The following GABRG3 variants were observed in gnomAD, a reference collection of about 807,000 sequenced individuals.
The protein encoded by GABRG3 is gamma-aminobutyric acid receptor subunit gamma-3.
A neutral mutation model predicts 48.8 loss-of-function variants in GABRG3; 25 were observed. The observed-to-expected ratio is 0.51, with a 90% CI of 0.37 to 0.72. The LOEUF is 0.72. GABRG3 is among the 30% of genes least tolerant of loss of function. The pLI, the probability that GABRG3 is intolerant of heterozygous loss-of-function variation, is 0.00. For synonymous variants in GABRG3, 227 were observed against 217.6 expected, an observed-to-expected ratio of 1.04 and a Z score of -0.38; for missense variants, 394 against 577.9, an observed-to-expected ratio of 0.68 and a Z score of 3.26.
intron 5 of GABRG3, among the ~76,000 whole-genome samples, chr15:27,456,423 C>T (rs1176550016): frequency 5.9e-5 from 9 of 152,180 alleles, no homozygotes; most frequent in Non-Finnish European, 2.9e-5. Context: ...AGTCCCCTGG[C>T]ATCCTTAGTG....
At position 27,257,679 on chromosome 15, in the gene GABRG3, T is replaced by A. The variant is rs544978603; in HGVS notation, c.271-69130T>A. Among the ~76,000 whole-genome samples the A allele has an allele frequency of 1.1e-4, 17 of 152,306 alleles. No individual in the cohort carries two copies. In the South Asian group the frequency reaches 3.5e-3, roughly 32 times the overall value. ...GAAAACTGAGAGGATTTTGTAATTT[T>A]AAAAAATTTTAGACACATGGTTTTG... On this transcript the variant is annotated intron_variant, in intron 3 of 9. Coordinates refer to ENST00000615808, the MANE Select transcript of GABRG3 (RefSeq NM_033223.5).
At chr15:27,085,205 G>A (rs1317496634) in intron 3 of GABRG3, among the ~76,000 whole-genome samples, 3 of 152,160 alleles carry the variant, frequency 2.0e-5, no homozygotes, top group African/African-American at 7.2e-5. Flanking sequence ...AGGGGAGTCT[G>A]ACCTCATGGG....
At chr15:27,152,413 A>G (rs920675778) in intron 3 of GABRG3, among the ~76,000 whole-genome samples, 14 of 152,210 alleles carry the variant, frequency 9.2e-5, no homozygotes, top group African/African-American at 3.1e-4. Flanking sequence ...AGGTAAATTC[A>G]TTCTTCCAAC....
At chr15:27,208,998 C>T (rs891103450) in intron 3 of GABRG3, among the ~76,000 whole-genome samples, 1 of 152,198 alleles carries the variant, frequency 6.6e-6, no homozygotes, top group Non-Finnish European at 1.5e-5. Context: ...GCCATTGATT[C>T]CCTGAGCCTG....
At chr15:27,002,480 G>A (rs770376184) in intron 2 of GABRG3, among the ~76,000 whole-genome samples, 7 of 152,020 alleles carry the variant, frequency 4.6e-5, no homozygotes, top group Non-Finnish European at 8.8e-5. Context: ...ATTTTAATTT[G>A]TTAAATATCT....
intron 3 of GABRG3, among the ~76,000 whole-genome samples, chr15:27,163,802 T>A (rs574498266): frequency 1.3e-5 from 2 of 152,332 alleles, no homozygotes; most frequent in South Asian, 4.1e-4. Flanking sequence ...AGCATCACTG[T>A]CTACCATGTG....
At chr15:27,358,893 C>T (rs763109557) in intron 5 of GABRG3, among the ~76,000 whole-genome samples, 1 of 152,166 alleles carries the variant, frequency 6.6e-6, no homozygotes, top group Non-Finnish European at 1.5e-5. Context: ...CGTGCAATGC[C>T]CGCTCAGTGG....
At chr15:27,043,445 A>G (rs1896311274) in intron 3 of GABRG3, among the ~76,000 whole-genome samples, 1 of 152,180 alleles carries the variant, frequency 6.6e-6, no homozygotes, top group Non-Finnish European at 1.5e-5. Flanking sequence ...TTTCCAAGGC[A>G]GAGAAGCACA....
intron 2 of GABRG3, among the ~76,000 whole-genome samples, chr15:26,991,513 G>T (rs978059394): frequency 6.6e-6 from 1 of 151,964 alleles, no homozygotes; most frequent in Non-Finnish European, 1.5e-5. Context: ...GATTGCTTTG[G>T]GTAGTATAGA....
intron 5 of GABRG3, among the ~76,000 whole-genome samples, chr15:27,351,690 T>C (rs1020338548): frequency 6.7e-6 from 1 of 149,764 alleles, no homozygotes. Flanking sequence ...GTGTGTATGG[T>C]CTGTGTGTGT....
intron 5 of GABRG3, among the ~76,000 whole-genome samples, chr15:27,475,438 G>A (rs910233793): frequency 2.6e-5 from 4 of 152,120 alleles, no homozygotes; most frequent in Non-Finnish European, 4.4e-5. Flanking sequence ...GATGATGACC[G>A]TGATGATGAT....
chr15:27,162,508 G>A (rs949336893), intron 3 of GABRG3, among the ~76,000 whole-genome samples: 5 of 152,140 alleles, frequency 3.3e-5, no homozygotes, highest in African/African-American at 1.2e-4. Flanking sequence ...AATGGTAGTG[G>A]CACTTTTTTG....
At chr15:27,054,519 G>GT (rs1896508694) in intron 3 of GABRG3, among the ~76,000 whole-genome samples, 1 of 152,192 alleles carries the variant, frequency 6.6e-6, no homozygotes, top group South Asian at 2.1e-4. Context: ...CCAAAGTCAC[G>GT]TTTTTCAGAA....
intron 3 of GABRG3, among the ~76,000 whole-genome samples, chr15:27,226,372 G>T (rs1327467561): frequency 6.6e-6 from 1 of 152,152 alleles, no homozygotes; most frequent in Non-Finnish European, 1.5e-5. Flanking sequence ...TTGTACTCCC[G>T]GTGAGCTTGG....
At chr15:27,522,078 G>T (rs1354151009) in intron 7 of GABRG3, among the ~76,000 whole-genome samples, 1 of 151,942 alleles carries the variant, frequency 6.6e-6, no homozygotes, top group Admixed American at 6.6e-5. Flanking sequence ...TAGTCCAAAT[G>T]ATGACAATCA....
chr15:27,306,695 TA>T (rs1338661539), intron 3 of GABRG3, among the ~76,000 whole-genome samples: 1 of 126,230 alleles, frequency 7.9e-6, no homozygotes, highest in Admixed American at 8.4e-5. Flanking sequence ...TGAACATGTT[TA>T]TATATAAACA....
At chr15:27,255,815 G>T (rs764647645) in intron 3 of GABRG3, among the ~76,000 whole-genome samples, 3 of 152,144 alleles carry the variant, frequency 2.0e-5, no homozygotes, top group Non-Finnish European at 4.4e-5. Flanking sequence ...GGCAGGTTCT[G>T]GGGATGCACA....
intron 2 of GABRG3, among the ~76,000 whole-genome samples, chr15:26,978,723 C>T (rs1351496853): frequency 6.6e-6 from 1 of 152,198 alleles, no homozygotes; most frequent in East Asian, 1.9e-4. Flanking sequence ...ATTTTTATTA[C>T]CATAGCTGTA....
chr15:27,096,404 C>G (rs1897266223), intron 3 of GABRG3, among the ~76,000 whole-genome samples: 1 of 152,202 alleles, frequency 6.6e-6, no homozygotes, highest in South Asian at 2.1e-4. Context: ...AAAATTGTAT[C>G]TTTCAGCAGA....
Sources: allele counts gnomAD v4.1 joint callset (sites outside exome capture counted in the v4.1 genomes callset), GRCh38; gene constraint gnomAD v4.1.1; transcripts MANE v1.5; gene names NCBI Gene and HGNC (gene_info 2026-07-23, HGNC 2026-07-21).